SRL: variants seen among roughly 807,000 people sequenced by gnomAD.
SRL encodes sarcalumenin.
A neutral mutation model predicts 39.5 loss-of-function variants in SRL; 23 were observed. The observed-to-expected ratio is 0.58, with a 90% CI of 0.42 to 0.82. SRL has a LOEUF of 0.82. Ranked by LOEUF, SRL falls within the 40% of genes least tolerant of loss-of-function variation. The pLI is 0.00. For synonymous variants in SRL, 272 were observed against 237.4 expected, an observed-to-expected ratio of 1.15 and a Z score of -1.34; for missense variants, 592 against 607.8, an observed-to-expected ratio of 0.97 and a Z score of 0.27.
chr16:4,228,531 C>T lies in SRL; in HGVS notation c.61+13476G>A, dbSNP rs180900127. Among the ~76,000 whole-genome samples, 532 of 152,058 alleles carry T rather than the reference C, an allele frequency of 3.5e-3. 1 individual carries two copies. The highest frequency in any genetic ancestry group is 0.021 in the East Asian group (106 of 5,154). ...CGGGCGGATCACTAGGTCAGGAGAT[C>T]GAGACCATCCTGGCTAACACGGTGA... On this transcript the variant is annotated intron_variant, in intron 1 of 5. Coordinates refer to ENST00000399609, the MANE Select transcript of SRL (RefSeq NM_001098814.2).
At chr16:4,212,631 T>TGGCCCCCCCGACTCCGGCCAGGCC (rs1448471134) in intron 1 of SRL, among the ~76,000 whole-genome samples, 3 of 152,260 alleles carry the variant, frequency 2.0e-5, no homozygotes, top group African/African-American at 7.2e-5. Flanking sequence ...GCTGCCAGGG[T>TGGCCCCCCCGACTCCGGCCAGGCC]GGCCCCCCCG....
chr16:4,224,722 G>C lies in SRL; in HGVS notation c.61+17285C>G, dbSNP rs558794407. 3.4e-4 allele frequency among the ~76,000 whole-genome samples: 44 copies of C among 130,918 alleles called. 1 individual carries two copies. The highest frequency in any genetic ancestry group is 1.2e-3 in the African/African-American group (43 of 36,272). 85.9% of individuals were successfully genotyped at this position (130,918 alleles called of 152,430 possible). A position where few individuals can be genotyped will look rare whatever the true frequency, so the allele number is the denominator to read the frequency against. ...GCAACAGAGCAAGACCCTATCTCGAGAAAAAAAAAAAGAAAAAAAAAGGAT... is the reference window on the plus strand; with the variant it reads ...GCAACAGAGCAAGACCCTATCTCGACAAAAAAAAAAAGAAAAAAAAAGGAT... On this transcript the variant is annotated intron_variant, in intron 1 of 5. Coordinates refer to ENST00000399609, the MANE Select transcript of SRL (RefSeq NM_001098814.2).
intron 1 of SRL, among the ~76,000 whole-genome samples, chr16:4,224,535 A>C (rs886085657): frequency 6.6e-6 from 1 of 152,088 alleles, no homozygotes; most frequent in African/African-American, 2.4e-5. Flanking sequence ...GTGAAACCTC[A>C]GCTCTATAAA....
At chr16:4,203,739 T>A (rs1282840126) in intron 2 of SRL, among the ~76,000 whole-genome samples, 3 of 152,164 alleles carry the variant, frequency 2.0e-5, no homozygotes, top group Non-Finnish European at 4.4e-5. Context: ...CAGTAGTGTG[T>A]CTGAAACCTT....
At chr16:4,198,046 T>C in intron 3 of SRL, 131 bp from the exon 4 acceptor site, 1 of 678,260 alleles carries the variant, frequency 1.5e-6, no homozygotes, top group Non-Finnish European at 2.7e-6. Flanking sequence ...CAGACGTGTG[T>C]AGCCCCCAGT....
intron 1 of SRL, among the ~76,000 whole-genome samples, chr16:4,233,109 C>T (rs1393560389): frequency 2.6e-5 from 4 of 152,208 alleles, no homozygotes; most frequent in Non-Finnish European, 5.9e-5. Context: ...AGAAAACAGG[C>T]TAGAGTCTTC....
At chr16:4,223,736 A>G (rs1373338659) in intron 1 of SRL, among the ~76,000 whole-genome samples, 1 of 151,966 alleles carries the variant, frequency 6.6e-6, no homozygotes, top group Non-Finnish European at 1.5e-5. Flanking sequence ...ACACACACTA[A>G]CATCCGAGAA....
chr16:4,225,781 C>T (rs1567187609), intron 1 of SRL, among the ~76,000 whole-genome samples: 2 of 152,056 alleles, frequency 1.3e-5, no homozygotes, highest in Non-Finnish European at 1.5e-5. Context: ...TGTGTGTTTC[C>T]CACACAGCAG....
At chr16:4,222,463 C>CGG (rs763562332) in intron 1 of SRL, among the ~76,000 whole-genome samples, 140 of 152,150 alleles carry the variant, frequency 9.2e-4, no homozygotes, top group Admixed American at 3.4e-3. Context: ...TTGGTAGATA[C>CGG]GGGGTTTTGC....
At chr16:4,228,571 T>A (rs1318128733) in intron 1 of SRL, among the ~76,000 whole-genome samples, 1 of 151,072 alleles carries the variant, frequency 6.6e-6, no homozygotes, top group Non-Finnish European at 1.5e-5. Context: ...CCGTCTCTAC[T>A]AAAAATACAA....
rs529629487 is a variant in SRL at position 4,223,881 on chromosome 16, C to T, written c.61+18126G>A. On this transcript the variant is annotated intron_variant, in intron 1 of 5. Transcript: ENST00000399609. ...GCCCCTGGGACCCCCTTCCTAGCTA[C>T]GATCCACTTCCAGGGCCACAGGCGG... Among the ~76,000 whole-genome samples, 10 of 152,184 alleles carry T rather than the reference C, an allele frequency of 6.6e-5. No individual in the cohort carries two copies. The South Asian group carries it at 8.3e-4, about 13-fold the overall frequency.
At chr16:4,209,918 T>C (rs77884229) in intron 1 of SRL, among the ~76,000 whole-genome samples, 1,573 of 152,292 alleles carry the variant, frequency 0.01, 31 homozygotes, top group African/African-American at 0.037. Flanking sequence ...CAGGCTTCCA[T>C]GCCATGCTGT....
intron 1 of SRL, among the ~76,000 whole-genome samples, chr16:4,220,516 C>T (rs1243801516): frequency 6.6e-6 from 1 of 152,128 alleles, no homozygotes; most frequent in African/African-American, 2.4e-5. Context: ...GATTTACATC[C>T]CCAGACCCCT....
intron 1 of SRL, among the ~76,000 whole-genome samples, chr16:4,208,386 C>T (rs2052352820): frequency 6.6e-6 from 1 of 152,166 alleles, no homozygotes; most frequent in Non-Finnish European, 1.5e-5. Context: ...AACCCGAGAA[C>T]CGCCCCCGCA....
At chr16:4,205,025 T>C (rs1318662563) in intron 1 of SRL, among the ~76,000 whole-genome samples, 1 of 152,160 alleles carries the variant, frequency 6.6e-6, no homozygotes, top group Non-Finnish European at 1.5e-5. Flanking sequence ...GATGATAGTC[T>C]TTAAAGTAAC....
At chr16:4,197,950 T>C in intron 3 of SRL, 35 bp from the exon 4 acceptor site, 1 of 1,437,960 alleles carries the variant, frequency 7.0e-7, no homozygotes, top group South Asian at 1.1e-5. Context: ...GGAATAAAAC[T>C]AACAAAAGTT....
intron 1 of SRL, among the ~76,000 whole-genome samples, chr16:4,241,419 C>T (rs73497181): frequency 0.36 from 54,323 of 152,086 alleles, 10,384 homozygotes; most frequent in African/African-American, 0.51. Flanking sequence ...TACTCCAGAA[C>T]GGGCCCCGTT....
intron 1 of SRL, among the ~76,000 whole-genome samples, chr16:4,209,720 C>T (rs915087719): frequency 2.6e-5 from 4 of 152,122 alleles, no homozygotes; most frequent in African/African-American, 9.7e-5. Context: ...TAGAGGAGCC[C>T]CGTGGATTGA....
intron 1 of SRL, 150 bp from the exon 2 acceptor site, chr16:4,204,784 G>A (rs1033655429): frequency 1.5e-5 from 10 of 654,076 alleles, no homozygotes; most frequent in African/African-American, 7.2e-5. Context: ...CTTTAGGAAG[G>A]AATTTGATCA....
Sources: allele counts gnomAD v4.1 joint callset (sites outside exome capture counted in the v4.1 genomes callset), GRCh38; gene constraint gnomAD v4.1.1; transcripts MANE v1.5; gene names NCBI Gene and HGNC (gene_info 2026-07-23, HGNC 2026-07-21).